The following ARMH4 variants were observed in gnomAD, a reference collection of about 807,000 sequenced individuals.
ARMH4 encodes the protein armadillo-like helical domain-containing protein 4.
Under a neutral mutation model 61.9 loss-of-function variants are expected in ARMH4, and 49 were observed. The observed-to-expected ratio is 0.79, with a 90% CI of 0.63 to 1.00. The LOEUF (loss-of-function observed/expected upper bound fraction) is 1.00, where lower values mean the gene tolerates loss of function less well. Ranked by LOEUF, ARMH4 falls within the 50% of genes least tolerant of loss-of-function variation. ARMH4 has a pLI of 0.00. For synonymous variants in ARMH4, 368 were observed against 341.5 expected (o/e 1.08, Z -0.85); for missense variants, 934 against 930.0 (o/e 1.00, Z -0.06).
At position 58,003,304 on chromosome 14, in the gene ARMH4, G is replaced by C. The variant is rs1882044177; in HGVS notation, c.*1432C>G. On this transcript the variant is annotated 3_prime_UTR_variant, in exon 8 of 8. Coordinates refer to ENST00000267485, the MANE Select transcript of ARMH4 (RefSeq NM_001001872.4). ...TGGGTTCTCACGCTGATTCTCTCTG[G>C]GTACAACTTTGGAAAATCATTTCAC... The C allele has an allele frequency of 6.6e-6, 1 of 151,980 alleles. No homozygotes were observed. Among genetic ancestry groups the C allele is most frequent in the East Asian group, 1.9e-4 (1 of 5,194 alleles). 9.4% of individuals were successfully genotyped at this position (151,980 alleles called of 1,614,324 possible). A position where few individuals can be genotyped will look rare whatever the true frequency, so the allele number is the denominator to read the frequency against.
intron 2 of ARMH4, among the ~76,000 whole-genome samples, chr14:58,136,251 T>G (rs772030814): frequency 1.3e-5 from 2 of 152,158 alleles, no homozygotes; most frequent in African/African-American, 4.8e-5. Context: ...AATTACCAAT[T>G]CCATTTTACT....
intron 1 of ARMH4, among the ~76,000 whole-genome samples, chr14:58,148,933 C>A (rs1355521990): frequency 6.6e-6 from 1 of 152,012 alleles, no homozygotes; most frequent in Non-Finnish European, 1.5e-5. Context: ...AGTCAACATG[C>A]TTGCCAAATA....
chr14:58,012,055 T>A, intron 6 of ARMH4, 64 bp downstream of exon 6: 1 of 1,155,810 alleles, frequency 8.7e-7, no homozygotes, highest in Non-Finnish European at 1.3e-6. Context: ...ACTCTGAAGA[T>A]CTTTTGCTTA....
At chr14:58,142,881 C>A (rs757065193) in intron 1 of ARMH4, among the ~76,000 whole-genome samples, 9 of 152,142 alleles carry the variant, frequency 5.9e-5, no homozygotes, top group Non-Finnish European at 1.2e-4. Flanking sequence ...GCACATACCA[C>A]CACACAGCAC....
chr14:58,140,575 A>C (rs1887505411), intron 1 of ARMH4, among the ~76,000 whole-genome samples: 1 of 145,728 alleles, frequency 6.9e-6, no homozygotes, highest in African/African-American at 2.7e-5. Flanking sequence ...AATCCGTCTC[A>C]AAAATAAATA....
intron 4 of ARMH4, among the ~76,000 whole-genome samples, chr14:58,121,052 T>C (rs754112814): frequency 1.3e-4 from 20 of 152,206 alleles, no homozygotes; most frequent in Non-Finnish European, 2.8e-4. Flanking sequence ...GATAGGAATT[T>C]GGTCAAGATT....
chr14:58,134,652 C>G (rs1447174942), intron 2 of ARMH4, among the ~76,000 whole-genome samples: 1 of 151,930 alleles, frequency 6.6e-6, no homozygotes, highest in African/African-American at 2.4e-5. Context: ...TAAAAGGGTT[C>G]CTCAAAGTTT....
chr14:58,097,948 A>T (rs568970480), intron 4 of ARMH4, among the ~76,000 whole-genome samples: 7 of 152,236 alleles, frequency 4.6e-5, no homozygotes, highest in African/African-American at 1.2e-4. Flanking sequence ...TGTTTCACCA[A>T]TGTTAATTTC....
At chr14:58,097,041 T>C (rs1303730828) in intron 4 of ARMH4, 60 bp from the exon 5 acceptor site, 34 of 1,526,550 alleles carry the variant, frequency 2.2e-5, no homozygotes, top group Non-Finnish European at 2.8e-5. Context: ...CTGAAACAAA[T>C]GAATCCTTGG....
intron 5 of ARMH4, among the ~76,000 whole-genome samples, chr14:58,068,071 G>A (rs1037414619): frequency 1.3e-5 from 2 of 152,192 alleles, no homozygotes; most frequent in African/African-American, 2.4e-5. Flanking sequence ...AGGGGATTAA[G>A]AGGAAGCAAG....
At chr14:58,121,904 T>A (rs549217647) in intron 4 of ARMH4, among the ~76,000 whole-genome samples, 1 of 152,330 alleles carries the variant, frequency 6.6e-6, no homozygotes, top group African/African-American at 2.4e-5. Flanking sequence ...TATAAAATTA[T>A]TTTTTATTTA....
In ARMH4 at chr14:58,038,905, C is replaced by G. The variant is rs182209028; in HGVS notation, c.2090-26755G>C. Among the ~76,000 whole-genome samples the G allele has an allele frequency of 2.7e-3, 414 of 152,260 alleles. 3 individuals carry two copies. The highest frequency in any genetic ancestry group is 4.4e-3 in the Admixed American group (68 of 15,288). Reference sequence around the variant, plus strand: ...TTTTTACCCTTAGAGTTCATGGACCCCTAGAGAGATCCCTAAGAAAGTCAT... The same window carrying G: ...TTTTTACCCTTAGAGTTCATGGACCGCTAGAGAGATCCCTAAGAAAGTCAT... On this transcript the variant is annotated intron_variant, in intron 5 of 7. Coordinates refer to ENST00000267485, the MANE Select transcript of ARMH4 (RefSeq NM_001001872.4).
At chr14:58,085,258 C>A (rs1254767270) in intron 5 of ARMH4, among the ~76,000 whole-genome samples, 1 of 152,060 alleles carries the variant, frequency 6.6e-6, no homozygotes, top group Non-Finnish European at 1.5e-5. Flanking sequence ...AACTCTTTAA[C>A]ATCATCTTTG....
rs78320794 is a variant in ARMH4, at chr14:58,138,567, G to A, written c.792C>T (p.Asn264=). Residue 264 remains asparagine (N), a synonymous_variant, in exon 2 of 8, where the codon AAC becomes AAT. Coordinates refer to ENST00000267485, the MANE Select transcript of ARMH4 (RefSeq NM_001001872.4). Reference sequence around the variant, plus strand: ...GTTGCTTGGTGGCAGCAGCCTGGGTGTTATCAGCTGTCATCTGCGAAGGCT... The same window carrying A: ...GTTGCTTGGTGGCAGCAGCCTGGGTATTATCAGCTGTCATCTGCGAAGGCT... ...KEKPSQMTAD[N]TQAAATKQPL... 4.3e-6 allele frequency: 7 copies of A among 1,614,220 alleles called. No individual in the cohort carries two copies. In the Admixed American group the frequency reaches 1.2e-4, roughly 27 times the overall value.
At chr14:58,066,272 C>A (rs551178542) in intron 5 of ARMH4, among the ~76,000 whole-genome samples, 1 of 152,336 alleles carries the variant, frequency 6.6e-6, no homozygotes, top group African/African-American at 2.4e-5. Flanking sequence ...AGCCATGCCA[C>A]AAATCCTCTG....
chr14:58,052,068 G>C (rs1006781264), intron 5 of ARMH4, among the ~76,000 whole-genome samples: 1 of 152,066 alleles, frequency 6.6e-6, no homozygotes, highest in African/African-American at 2.4e-5. Context: ...TCTAGGCCCT[G>C]GTCATCTCCC....
At chr14:58,054,598 A>G (rs974549679) in intron 5 of ARMH4, among the ~76,000 whole-genome samples, 1 of 152,102 alleles carries the variant, frequency 6.6e-6, no homozygotes, top group South Asian at 2.1e-4. Context: ...AAATTTGGAT[A>G]TAAAATATAA....
rs940161266 is a variant in ARMH4 at position 58,144,545 on chromosome 14, C to A, written c.-56-5131G>T. On this transcript the variant is annotated intron_variant, in intron 1 of 7. Transcript: ENST00000267485. ...GGGCGACAGAGAAAAGACCCTGTCTCAAAAACAAACAGACAACAACAACAA... is the reference window on the plus strand; with the variant it reads ...GGGCGACAGAGAAAAGACCCTGTCTAAAAAACAAACAGACAACAACAACAA... Among the ~76,000 whole-genome samples, 3 of 152,138 alleles carry A rather than the reference C, an allele frequency of 2.0e-5. No individual in the cohort carries two copies. The South Asian group carries it at 6.2e-4, about 32-fold the overall frequency.
chr14:58,110,664 T>C (rs530664639), intron 4 of ARMH4, among the ~76,000 whole-genome samples: 27 of 152,300 alleles, frequency 1.8e-4, no homozygotes, highest in African/African-American at 6.3e-4. Flanking sequence ...TCTAACCTAA[T>C]TGCACAACCA....
Sources: allele counts gnomAD v4.1 joint callset (sites outside exome capture counted in the v4.1 genomes callset), GRCh38; gene constraint gnomAD v4.1.1; transcripts MANE v1.5; gene names NCBI Gene and HGNC (gene_info 2026-07-23, HGNC 2026-07-21).